The following ZNF577 variants were observed in gnomAD, a reference collection of about 807,000 sequenced individuals.
ZNF577 encodes zinc finger protein 577.
ZNF577 carries 14 observed loss-of-function variants against 13.9 expected under a neutral mutation model. The ratio of observed to expected loss-of-function variants is 1.00; its 90% confidence interval spans 0.66 to 1.57. The LOEUF is 1.57. ZNF577 is among the 40% of genes most tolerant of loss of function. ZNF577 has a pLI of 0.00. For missense variants in ZNF577, 555 were observed against 579.2 expected (o/e 0.96, Z 0.43); for synonymous variants, 203 against 202.9 (o/e 1.00, Z 0.00).
At chr19:51,859,256 GT>G (rs1041293185) in intron 5 of ZNF577, among the ~76,000 whole-genome samples, 6 of 152,084 alleles carry the variant, frequency 3.9e-5, no homozygotes, top group Non-Finnish European at 5.9e-5. Context: ...AGGCATTTGA[GT>G]TTTTTCAACC....
In ZNF577 at chr19:51,868,502, G is replaced by A. The variant is rs1208393836; in HGVS notation, c.*4030C>T. On this transcript the variant is annotated 3_prime_UTR_variant, in exon 6 of 6. Coordinates refer to ENST00000638348, the MANE Select transcript of ZNF577 (RefSeq NM_001370449.1). ...TGCTTCCCACCTCAGCCACACAGCA[G>A]GGCAGACTCACCAAGAACCGACTGG... is the stretch of plus-strand genomic sequence containing the variant. 1.3e-5 allele frequency among the ~76,000 whole-genome samples: 2 copies of A among 152,120 alleles called. No individual in the cohort carries two copies. The highest frequency in any genetic ancestry group is 2.4e-5 in the African/African-American group (1 of 41,436).
At chr19:51,805,744 G>A (rs542291371) in intron 10 of ZNF577, among the ~76,000 whole-genome samples, 2 of 152,280 alleles carry the variant, frequency 1.3e-5, no homozygotes, top group East Asian at 1.9e-4. Context: ...ACAGAACTAT[G>A]CAAAGTTACA....
chr19:51,880,283 AAAGAAGTT>A, intron 3 of ZNF577, 32 bp downstream of exon 3: 1 of 1,601,558 alleles, frequency 6.2e-7, no homozygotes, highest in Non-Finnish European at 8.6e-7. Flanking sequence ...TCTCTGAAGG[AAAGAAGTT>A]TCTCAAGCTC....
At chr19:51,881,697 T>C (rs1330825607) in intron 1 of ZNF577, among the ~76,000 whole-genome samples, 1 of 152,128 alleles carries the variant, frequency 6.6e-6, no homozygotes, top group Non-Finnish European at 1.5e-5. Context: ...CACTGCGGGG[T>C]GGCCACATAG....
intron 6 of ZNF577, among the ~76,000 whole-genome samples, chr19:51,844,518 G>A (rs2084339769): frequency 6.6e-6 from 1 of 152,134 alleles, no homozygotes; most frequent in Admixed American, 6.5e-5. Context: ...AAAAATGTTT[G>A]CAACTTAATT....
chr19:51,824,968 C>A lies in ZNF577; in HGVS notation c.*600-13294G>T. The A allele has an allele frequency of 1.6e-6, 1 of 628,616 alleles. No homozygotes were observed. The highest frequency in any genetic ancestry group is 2.8e-6 in the Non-Finnish European group (1 of 353,608). The allele number at this position is 628,616 out of a possible 1,614,324, so 38.9% of individuals were successfully genotyped here. A position where few individuals can be genotyped will look rare whatever the true frequency, so the allele number is the denominator to read the frequency against. On this transcript the variant is annotated intron_variant and NMD_transcript_variant, in intron 9 of 10. Coordinates refer to the ZNF577 transcript ENST00000638827. The surrounding 1 kb of genome is among the most constrained non-coding windows in gnomAD (Gnocchi z 4.7). ...ATCTGTAGGGGGTTTTTCCCACAAC[C>A]AAGCAATAGACACCAGCTGGGTGTC...
At chr19:51,854,496 A>ATTTTTT (rs780953746) in intron 5 of ZNF577, among the ~76,000 whole-genome samples, 2,842 of 123,158 alleles carry the variant, frequency 0.023, 73 homozygotes, top group Middle Eastern at 0.041. Flanking sequence ...GCCCAGCTAA[A>ATTTTTT]TTTTTTTTTT....
At chr19:51,879,777 T>C (rs1353205528) in intron 3 of ZNF577, among the ~76,000 whole-genome samples, 3 of 152,200 alleles carry the variant, frequency 2.0e-5, no homozygotes, top group Non-Finnish European at 4.4e-5. Context: ...ATACTGTCTT[T>C]TGATACAAAT....
At chr19:51,807,494 G>A (rs943637352) in intron 10 of ZNF577, among the ~76,000 whole-genome samples, 31 of 152,144 alleles carry the variant, frequency 2.0e-4, no homozygotes, top group African/African-American at 7.0e-4. Context: ...CAGTTGATAG[G>A]ATCTGAAGCT....
intron 9 of ZNF577, among the ~76,000 whole-genome samples, chr19:51,838,495 AT>A (rs889906080): frequency 1.3e-5 from 2 of 150,078 alleles, no homozygotes; most frequent in East Asian, 1.9e-4. Context: ...ATAATAAAAA[AT>A]TTTTTTTTAA....
intron 10 of ZNF577, among the ~76,000 whole-genome samples, chr19:51,807,989 C>T (rs2084071584): frequency 6.6e-6 from 1 of 152,106 alleles, no homozygotes; most frequent in Admixed American, 6.5e-5. Flanking sequence ...TAAACTGGCC[C>T]AAAAGTCCTG....
In ZNF577 at chr19:51,872,801, A is replaced by G; in HGVS notation, c.1189T>C (p.Ser397Pro). The change falls in exon 6 of 6, where the codon TCC becomes CCC. Residue 397 changes from serine (S) to proline (P), a missense_variant. Ser to Pro is a moderately conservative substitution (Grantham distance 74). Coordinates refer to ENST00000638348, the MANE Select transcript of ZNF577 (RefSeq NM_001370449.1). ...VEKPSSRSHT[S>P]LYMSELIQEQ... is the part of the protein sequence containing the mutation. ...TGTATGAGTTCGCTCATGTATAAGGAGGTATGACTCCTTGAGGAAGGTTTC... is the reference window on the plus strand; with the variant it reads ...TGTATGAGTTCGCTCATGTATAAGGGGGTATGACTCCTTGAGGAAGGTTTC... The G allele has an allele frequency of 6.2e-7, 1 of 1,614,154 alleles. No homozygotes were observed. The highest frequency in any genetic ancestry group is 8.5e-7 in the Non-Finnish European group (1 of 1,180,024).
chr19:51,818,396 T>C (rs2084160215), intron 9 of ZNF577, among the ~76,000 whole-genome samples: 2 of 152,150 alleles, frequency 1.3e-5, no homozygotes, highest in African/African-American at 4.8e-5. Context: ...ACAGACCACA[T>C]TGTGTTTCCA....
At chr19:51,860,439 T>C (rs2084484860) in intron 5 of ZNF577, 1 of 152,700 alleles carries the variant, frequency 6.5e-6, no homozygotes, top group East Asian at 1.9e-4. Flanking sequence ...TATACCTGCA[T>C]TGAACCTAAA....
At chr19:51,884,843 G>C (rs2084918603) in intron 1 of ZNF577, among the ~76,000 whole-genome samples, 1 of 152,128 alleles carries the variant, frequency 6.6e-6, no homozygotes, top group Admixed American at 6.5e-5. Flanking sequence ...AGATTATTTA[G>C]AAGCGTATGG....
chr19:51,818,236 A>G (rs1279262327), intron 9 of ZNF577, among the ~76,000 whole-genome samples: 1 of 152,222 alleles, frequency 6.6e-6, no homozygotes, highest in East Asian at 1.9e-4. Context: ...CTCATTAATA[A>G]TTTTTATTCT....
downstream of ZNF577, among the ~76,000 whole-genome samples, chr19:51,865,039 C>G (rs1365879539): frequency 6.6e-6 from 1 of 152,190 alleles, no homozygotes; most frequent in African/African-American, 2.4e-5. Context: ...AGTGCTGTCA[C>G]TCTGTTTCAG....
At chr19:51,842,558 G>A (rs1254473220) in intron 8 of ZNF577, among the ~76,000 whole-genome samples, 3 of 152,166 alleles carry the variant, frequency 2.0e-5, no homozygotes, top group East Asian at 3.8e-4. Flanking sequence ...TTCCCAGCCT[G>A]CAGAACTGTG....
At chr19:51,861,105 GAC>G (rs2084493583) in intron 5 of ZNF577, 1 of 289,578 alleles carries the variant, frequency 3.5e-6, no homozygotes, top group Non-Finnish European at 6.3e-6. Context: ...ACTCATAATT[GAC>G]TCTCTCTTTT....
Sources: gnomAD v4.1 joint callset for allele counts (sites outside exome capture counted in the v4.1 genomes callset) on GRCh38, gnomAD v4.1.1 for gene constraint, Gnocchi (gnomAD v3.1) non-coding constraint, MANE v1.5 for transcripts, NCBI Gene and HGNC (gene_info 2026-07-23, HGNC 2026-07-21) for gene names.